Variants in RAI2 observed in about 807,000 individuals in gnomAD.
RAI2 encodes the protein retinoic acid-induced protein 2.
RAI2 carries 5 observed loss-of-function variants against 15.3 expected under a neutral mutation model. The ratio of observed to expected loss-of-function variants is 0.33; its 90% confidence interval spans 0.17 to 0.69. The LOEUF (loss-of-function observed/expected upper bound fraction) is 0.69, where lower values mean the gene tolerates loss of function less well. Among genes scored for constraint, RAI2 ranks in the 30% least tolerant of loss-of-function variants. The pLI is 0.69. For synonymous variants in RAI2, 191 were observed against 184.0 expected (o/e 1.04, Z -0.31); for missense variants, 424 against 424.7 (o/e 1.00, Z 0.01).
intron 1 of RAI2, among the ~76,000 whole-genome samples, chrX:17,849,054 A>G (rs1029161300): frequency 5.3e-5 from 6 of 112,537 alleles, no homozygotes; most frequent in Non-Finnish European, 1.1e-4. Context: ...AGTGGGAAGG[A>G]AGCTTCTCCC....
At chrX:17,834,492 C>A (rs950428139) in intron 1 of RAI2, among the ~76,000 whole-genome samples, 2 of 109,374 alleles carry the variant, frequency 1.8e-5, no homozygotes, top group Non-Finnish European at 3.8e-5. Context: ...AGACAGCAAG[C>A]GAGATACACA....
chrX:17,852,874 T>C (rs1001312230), intron 1 of RAI2, among the ~76,000 whole-genome samples: 3 of 111,521 alleles, frequency 2.7e-5, no homozygotes, highest in African/African-American at 9.8e-5. Flanking sequence ...GAGAAAGTAC[T>C]GTTGACTTTC....
intron 1 of RAI2, among the ~76,000 whole-genome samples, chrX:17,815,315 G>T (rs981929320): frequency 1.0e-4 from 7 of 67,388 alleles, no homozygotes; most frequent in African/African-American, 4.6e-4. Context: ...ACATACATGT[G>T]CACACGTGCA....
intron 1 of RAI2, among the ~76,000 whole-genome samples, chrX:17,813,736 TAGC>T (rs929726987): frequency 2.7e-5 from 3 of 111,719 alleles, no homozygotes; most frequent in Non-Finnish European, 5.6e-5. Flanking sequence ...GCAGAGATTT[TAGC>T]AGCATCCAAA....
chrX:17,803,590 C>G (rs1244998119), intron 1 of RAI2, among the ~76,000 whole-genome samples: 1 of 111,810 alleles, frequency 8.9e-6, no homozygotes, highest in Non-Finnish European at 1.9e-5. Context: ...AGTAAGGCAG[C>G]TTTAACAAAT....
chrX:17,852,059 T>G (rs180756219), intron 1 of RAI2, among the ~76,000 whole-genome samples: 1 of 111,870 alleles, frequency 8.9e-6, no homozygotes, highest in Non-Finnish European at 1.9e-5. Flanking sequence ...CGCCCAGATT[T>G]ATGATCCTAT....
At position 17,804,718 on chromosome X, in the gene RAI2, C is replaced by T. The variant is rs2066958117; in HGVS notation, c.-24-2684G>A. On this transcript the variant is annotated intron_variant, in intron 1 of 1. Transcript: ENST00000451717. ...TCCACCCTCGCAGAAATGGCAGCTT[C>T]TCTCCCTCCCTGTCTGCTTCTCTCA... Among the ~76,000 whole-genome samples, 3 of 112,449 alleles carry T rather than the reference C, an allele frequency of 2.7e-5. No individual in the cohort carries two copies. The Admixed American group carries it at 2.8e-4, about 11-fold the overall frequency.
At chrX:17,829,981 C>T (rs987938881) in intron 1 of RAI2, among the ~76,000 whole-genome samples, 13 of 112,823 alleles carry the variant, frequency 1.2e-4, no homozygotes, top group Admixed American at 7.5e-4. Context: ...ACAGACAGCA[C>T]CCAGTACCCA....
intron 1 of RAI2, among the ~76,000 whole-genome samples, chrX:17,857,425 T>C (rs1273031508): frequency 8.9e-6 from 1 of 111,903 alleles, no homozygotes; most frequent in Non-Finnish European, 1.9e-5. Flanking sequence ...CTCATTTTCC[T>C]ATAGAGTGTT....
At chrX:17,804,827 T>C (rs2066959162) in intron 1 of RAI2, among the ~76,000 whole-genome samples, 1 of 112,553 alleles carries the variant, frequency 8.9e-6, no homozygotes, top group African/African-American at 3.2e-5. Flanking sequence ...AGGTACCAGT[T>C]CTCATCATTT....
At chrX:17,802,124 C>A in intron 1 of RAI2, 90 bp from the exon 2 acceptor site, 1 of 1,046,131 alleles carries the variant, frequency 9.6e-7, no homozygotes, top group African/African-American at 1.9e-5. Context: ...AAAGTTTCCA[C>A]GTTTTAGTTA....
At chrX:17,817,574 G>A (rs1034791552) in intron 1 of RAI2, among the ~76,000 whole-genome samples, 16 of 112,567 alleles carry the variant, frequency 1.4e-4, no homozygotes, top group African/African-American at 5.2e-4. Context: ...GTTTTCAGCA[G>A]CTTCACTCCC....
intron 1 of RAI2, among the ~76,000 whole-genome samples, chrX:17,830,872 AAT>A (rs1258888274): frequency 2.7e-5 from 3 of 112,343 alleles, no homozygotes; most frequent in African/African-American, 9.7e-5. Flanking sequence ...ATAGAAAAAT[AAT>A]AGTTTGTGAG....
intron 1 of RAI2, among the ~76,000 whole-genome samples, chrX:17,816,419 C>T (rs1021490278): frequency 8.9e-6 from 1 of 111,994 alleles, no homozygotes; most frequent in African/African-American, 3.3e-5. Flanking sequence ...TTCCTGGTTG[C>T]GTGCAGAGAG....
chrX:17,831,171 G>C (rs1471358653), intron 1 of RAI2, among the ~76,000 whole-genome samples: 1 of 111,583 alleles, frequency 9.0e-6, no homozygotes, highest in East Asian at 2.8e-4. Context: ...CTTTTCCATG[G>C]AGATAAGGGC....
chrX:17,852,757 AAGG>A (rs2067551464), intron 1 of RAI2, among the ~76,000 whole-genome samples: 1 of 112,204 alleles, frequency 8.9e-6, no homozygotes, highest in Non-Finnish European at 1.9e-5. Context: ...TAGCTGCCTG[AAGG>A]AGAATTGCTT....
chrX:17,827,967 C>T (rs940217549), intron 1 of RAI2, among the ~76,000 whole-genome samples: 8 of 110,557 alleles, frequency 7.2e-5, no homozygotes, highest in African/African-American at 2.6e-4. Flanking sequence ...AAACCTGGTA[C>T]AATTCTGTCC....
At chrX:17,845,856 GACTCAGTTTA>G (rs1288147126) in intron 1 of RAI2, among the ~76,000 whole-genome samples, 1 of 112,069 alleles carries the variant, frequency 8.9e-6, no homozygotes, top group Admixed American at 9.4e-5. Flanking sequence ...TCTCACTCAA[GACTCAGTTTA>G]ACATATTTCC....
intron 1 of RAI2, 60 bp from the exon 2 acceptor site, chrX:17,802,094 G>C: frequency 8.9e-7 from 1 of 1,124,791 alleles, no homozygotes; most frequent in Non-Finnish European, 1.2e-6. Context: ...ATTGCCTTAA[G>C]AGCTCTCTCA....
Sources: gnomAD v4.1 joint callset for allele counts (sites outside exome capture counted in the v4.1 genomes callset) on GRCh38, gnomAD v4.1.1 for gene constraint, MANE v1.5 for transcripts, NCBI Gene and HGNC (gene_info 2026-07-23, HGNC 2026-07-21) for gene names.